CPLANE1: variants seen among roughly 807,000 people sequenced by gnomAD.
CPLANE1 encodes ciliogenesis and planar polarity effector 1.
In CPLANE1, 263 loss-of-function variants were observed where a neutral mutation model predicts 362.5. The ratio of observed to expected loss-of-function variants is 0.73; its 90% CI spans 0.66 to 0.80. The LOEUF (loss-of-function observed/expected upper bound fraction) is 0.80. Among genes scored for constraint, CPLANE1 ranks in the 30% least tolerant of loss-of-function variants. The pLI is 0.00. For synonymous variants in CPLANE1, 1,212 were observed against 1,302.6 expected (o/e 0.93, Z 1.50); for missense variants, 3,461 against 3,793.4 (o/e 0.91, Z 2.30).
At position 37,245,795 on chromosome 5, in the gene CPLANE1, A is replaced by G; in HGVS notation, c.132T>C (p.Asn44=). 6.5e-7 allele frequency: 1 copy of G among 1,530,374 alleles called. No homozygotes were observed. The highest frequency in any genetic ancestry group is 8.8e-7 in the Non-Finnish European group (1 of 1,140,122). The allele number at this position is 1,530,374 out of a possible 1,614,324, so 94.8% of individuals were successfully genotyped here. A position where few individuals can be genotyped will look rare whatever the true frequency, so the allele number is the denominator to read the frequency against. Residue 44 remains asparagine, a synonymous_variant, in exon 3 of 53, where the codon AAT becomes AAC. Coordinates refer to ENST00000651892, the MANE Select transcript of CPLANE1 (RefSeq NM_001384732.1). Reference sequence around the variant, plus strand: ...TCTTCTTTATCTTTCCTGATAGCAAATTAATTTCATTTATGAATTTATCAT... The same window carrying G: ...TCTTCTTTATCTTTCCTGATAGCAAGTTAATTTCATTTATGAATTTATCAT... ...LLDDKFINEI[N]LLSGKIKKKI...
At chr5:37,223,919 C>G (rs968916435) in intron 14 of CPLANE1, among the ~76,000 whole-genome samples, 1 of 151,778 alleles carries the variant, frequency 6.6e-6, no homozygotes, top group African/African-American at 2.4e-5. Flanking sequence ...AACAATCAAC[C>G]ACAGGCTTTA....
In CPLANE1 at chr5:37,206,351, C is replaced by T; in HGVS notation, c.2995G>A (p.Val999Met). 1.3e-6 allele frequency: 2 copies of T among 1,551,686 alleles called. No homozygotes were observed. Among genetic ancestry groups the T allele is most frequent in the Non-Finnish European group, 1.7e-6 (2 of 1,146,934 alleles). ...TCAAGTGCATATTCAACTGTCCACACATTAGAGAGATTCTGATCTCTAACA... is the reference window on the plus strand; with the variant it reads ...TCAAGTGCATATTCAACTGTCCACATATTAGAGAGATTCTGATCTCTAACA... ...SVVRDQNLSN[V>M]WTVEYALELL... Residue 999 changes from valine (V) to methionine (M), a missense_variant, in exon 17 of 53, where the codon GTG becomes ATG. By Grantham distance (21) the Val-to-Met change is conservative. Around this residue, in one of 2 missense-constraint regions of CPLANE1, gnomAD observed 3,380 missense variants for 3,666.1 expected, o/e 0.92. Transcript: ENST00000651892.
Position 37,183,069 on chromosome 5 carries a change from G to T in CPLANE1, c.5112C>A (p.His1704Gln). The change falls in exon 26 of 53, where the codon CAC (histidine) becomes CAA (glutamine). Residue 1704 changes from histidine to glutamine, a missense_variant. By Grantham distance (24) the His-to-Gln change is conservative (BLOSUM62 0). Coordinates refer to ENST00000651892, the MANE Select transcript of CPLANE1 (RefSeq NM_001384732.1). The part of the protein sequence containing the change: ...EKCLIQRSSN[H>Q]IFWTPKSIKT... ...TAATGGACTTGGGAGTCCAAAAAAT[G>T]TGGTTTGATGATCTCTGGATTAGAC... 1 of 1,613,358 alleles carries T rather than the reference G, an allele frequency of 6.2e-7. No individual in the cohort carries two copies. The highest frequency in any genetic ancestry group is 8.5e-7 in the Non-Finnish European group (1 of 1,179,896).
At chr5:37,097,840 T>C in the CPLANE1 span, among the ~76,000 whole-genome samples, 2 of 152,110 alleles carry the variant, frequency 1.3e-5, no homozygotes, top group South Asian at 4.1e-4. Flanking sequence ...AGTCCTCACA[T>C]CTCATAATAA....
At chr5:37,140,429 A>G (rs188707794) in intron 44 of CPLANE1, 3 of 985,142 alleles carry the variant, frequency 3.0e-6, no homozygotes, top group East Asian at 2.3e-4. Flanking sequence ...GTTAAGAGCA[A>G]CTAATTCAAT....
chr5:37,145,345 G>A (rs568116545), intron 43 of CPLANE1, among the ~76,000 whole-genome samples: 1 of 152,146 alleles, frequency 6.6e-6, no homozygotes, highest in South Asian at 2.1e-4. Flanking sequence ...AGAGAAGATG[G>A]AGGGAACAAA....
At chr5:37,116,371 C>T (rs902733758) in intron 50 of CPLANE1, among the ~76,000 whole-genome samples, 2 of 151,192 alleles carry the variant, frequency 1.3e-5, no homozygotes, top group Admixed American at 6.6e-5. Context: ...CTGTAGTCCC[C>T]GTTACTCCGA....
At chr5:37,154,711 G>A (rs566029292) in intron 41 of CPLANE1, among the ~76,000 whole-genome samples, 1 of 151,734 alleles carries the variant, frequency 6.6e-6, no homozygotes, top group Admixed American at 6.6e-5. Context: ...AGTACTTCCT[G>A]GGCTGCCAGC....
At chr5:37,193,156 A>T (rs1786138930) in intron 21 of CPLANE1, among the ~76,000 whole-genome samples, 1 of 151,696 alleles carries the variant, frequency 6.6e-6, no homozygotes, top group Non-Finnish European at 1.5e-5. Context: ...GCGACAGTGC[A>T]AGACTCCAAC....
In CPLANE1 at chr5:37,142,340, T is replaced by A. The variant is rs780136856; in HGVS notation, c.8602A>T (p.Ser2868Cys). 37 of 1,603,154 alleles carry A rather than the reference T, an allele frequency of 2.3e-5. No individual in the cohort carries two copies. In the South Asian group the frequency reaches 3.8e-4, roughly 17 times the overall value. Residue 2868 changes from serine (S) to cysteine (C), a missense_variant, in exon 44 of 53, where the codon AGT becomes TGT. Ser to Cys is a moderately radical substitution (Grantham distance 112). Around this residue, in one of 2 missense-constraint regions of CPLANE1, gnomAD observed 3,380 missense variants for 3,666.1 expected, o/e 0.92. Transcript: ENST00000651892. ...GAAGTAGTATTCTGATCACTGGAACTGGAAAGGCTGACAGCTGAATCGGCA... is the reference window on the plus strand; with the variant it reads ...GAAGTAGTATTCTGATCACTGGAACAGGAAAGGCTGACAGCTGAATCGGCA... ...PTADSAVSLS[S>C]SSDQNTTSPG...
rs370862454 is a variant in CPLANE1 at position 37,177,692 on chromosome 5, T to C, written c.5829A>G (p.Thr1943=). ...TLPQQLEEEF[T]EEVQCQREEP... Reference sequence around the variant, plus strand: ...CTTCCCTTTGACACTGAACCTCTTCTGTGAACTCCTGTTAAAATGAATAGT... The same window carrying C: ...CTTCCCTTTGACACTGAACCTCTTCCGTGAACTCCTGTTAAAATGAATAGT... The change falls in exon 30 of 53, where the codon ACA becomes ACG. Residue 1943 remains threonine, a synonymous_variant. Coordinates refer to ENST00000651892, the MANE Select transcript of CPLANE1 (RefSeq NM_001384732.1). The C allele has an allele frequency of 5.0e-6, 8 of 1,612,336 alleles. No individual in the cohort carries two copies. The highest frequency in any genetic ancestry group is 5.9e-6 in the Non-Finnish European group (7 of 1,178,806).
In CPLANE1 at chr5:37,138,837, T is replaced by G; in HGVS notation, c.8675A>C (p.His2892Pro). ...SDELCESVSV[H>P]PLQMTGLTDI... ...AGTCAATCCAGTCATCTGGAGCGGA[T>G]GTACTGAAACACTTCATTTGCAAAT... The change falls in exon 46 of 53, where the codon CAT (histidine) becomes CCT (proline). Residue 2892 changes from histidine (H) to proline (P), a missense_variant. Physicochemically the swap from His to Pro is moderately conservative, Grantham distance 77 (BLOSUM62 -2). Around this residue, in one of 2 missense-constraint regions of CPLANE1, gnomAD observed 3,380 missense variants for 3,666.1 expected, o/e 0.92. Transcript: ENST00000651892. The G allele has an allele frequency of 6.2e-7, 1 of 1,608,084 alleles. No individual in the cohort carries two copies. The highest frequency in any genetic ancestry group is 8.5e-7 in the Non-Finnish European group (1 of 1,178,468).
intron 14 of CPLANE1, among the ~76,000 whole-genome samples, chr5:37,223,109 C>T (rs903623887): frequency 2.6e-5 from 4 of 152,188 alleles, no homozygotes; most frequent in Non-Finnish European, 5.9e-5. Flanking sequence ...GATCCTACCG[C>T]CAATATCACA....
Position 37,227,008 on chromosome 5 carries a change from G to A in CPLANE1, c.1587C>T (p.Asn529=), listed in dbSNP as rs1796603006. 14 of 1,549,748 alleles carry A rather than the reference G, an allele frequency of 9.0e-6. No individual in the cohort carries two copies. Among genetic ancestry groups the A allele is most frequent in the Non-Finnish European group, 1.2e-5 (14 of 1,146,556 alleles). Residue 529 remains asparagine (N), a synonymous_variant, in exon 12 of 53, where the codon AAC becomes AAT. Transcript: ENST00000651892. ...HFPDNLCPFW[N]KRDDVLCSSM... ...TACTACACAGCACATCATCTCTTTT[G>A]TTCCAAAAAGGACATAAGTTGTCTG... is the stretch of plus-strand genomic sequence containing the variant.
intron 16 of CPLANE1, chr5:37,211,389 C>G: frequency 6.6e-7 from 1 of 1,517,622 alleles, no homozygotes; most frequent in Non-Finnish European, 8.8e-7. Context: ...TCTGCACTTG[C>G]TGGAAGCCTT....
intron 44 of CPLANE1, chr5:37,141,948 G>T: frequency 1.9e-6 from 1 of 527,330 alleles, no homozygotes; most frequent in Non-Finnish European, 2.4e-6. Context: ...ACATGGTAGA[G>T]GCTCAAGAAA....
intron 43 of CPLANE1, among the ~76,000 whole-genome samples, chr5:37,146,894 G>GA (rs1308657878): frequency 6.6e-6 from 1 of 151,986 alleles, no homozygotes; most frequent in Non-Finnish European, 1.5e-5. Context: ...AAACAAAATT[G>GA]ACTATAAGTC....
chr5:37,140,564 CATT>C (rs1769370058), intron 44 of CPLANE1: 1 of 985,166 alleles, frequency 1.0e-6, no homozygotes, highest in African/African-American at 1.7e-5. Context: ...AGAGAAGGTC[CATT>C]AAAGAGACAC....
chr5:37,184,362 C>T (rs1294652910), intron 25 of CPLANE1, among the ~76,000 whole-genome samples: 5 of 151,918 alleles, frequency 3.3e-5, no homozygotes, highest in Non-Finnish European at 7.4e-5. Context: ...GCATCCCATC[C>T]CTTCTGATTG....
Sources: gnomAD v4.1 joint callset for allele counts (sites outside exome capture counted in the v4.1 genomes callset) on GRCh38, gnomAD v4.1.1 for gene constraint, gnomAD v4.1.1 regional missense constraint, MANE v1.5 for transcripts, NCBI Gene and HGNC (gene_info 2026-07-23, HGNC 2026-07-21) for gene names.